Variants in RBFOX1 observed in about 807,000 individuals in gnomAD.
The protein encoded by RBFOX1 is RNA binding protein fox-1 homolog 1.
In RBFOX1, 8 loss-of-function variants were observed where a neutral mutation model predicts 57.7. The observed-to-expected ratio is 0.14, with a 90% CI of 0.08 to 0.25. RBFOX1 has a LOEUF of 0.25. RBFOX1 is among the 10% of genes least tolerant of loss of function. RBFOX1 has a pLI of 1.00. For synonymous variants in RBFOX1, 326 were observed against 222.4 expected, an observed-to-expected ratio of 1.47 and a Z score of -4.15; for missense variants, 611 against 548.5, an observed-to-expected ratio of 1.11 and a Z score of -1.14.
chr16:7,324,147 G>C (rs777655873), intron 4 of RBFOX1, among the ~76,000 whole-genome samples: 3 of 152,156 alleles, frequency 2.0e-5, no homozygotes, highest in Admixed American at 6.5e-5. Context: ...TTTGTCCGTG[G>C]TGTCCTTTTT....
chr16:5,510,539 C>T (rs1387704709), intron 2 of RBFOX1, among the ~76,000 whole-genome samples: 1 of 152,122 alleles, frequency 6.6e-6, no homozygotes, highest in Non-Finnish European at 1.5e-5. Flanking sequence ...AGTCCAGGCT[C>T]ACCGGGCAGG....
At chr16:6,713,846 GA>G (rs1476125081) in intron 3 of RBFOX1, among the ~76,000 whole-genome samples, 1 of 152,202 alleles carries the variant, frequency 6.6e-6, no homozygotes, top group Non-Finnish European at 1.5e-5. Context: ...GTGATGGCAA[GA>G]TCCTTGGTAA....
intron 10 of RBFOX1, among the ~76,000 whole-genome samples, chr16:7,611,420 TA>T (rs1197139075): frequency 1.7e-4 from 26 of 152,156 alleles, no homozygotes; most frequent in African/African-American, 5.8e-4. Flanking sequence ...CTACTAAAAA[TA>T]CAAAAGATCT....
chr16:7,203,752 G>T lies in RBFOX1; in HGVS notation c.27+151654G>T, dbSNP rs560819159. Among the ~76,000 whole-genome samples, 23 of 152,216 alleles carry T rather than the reference G, an allele frequency of 1.5e-4. No individual in the cohort carries two copies. The East Asian group carries it at 4.5e-3, about 29-fold the overall frequency. ...CTTTGCAAATATCTGCTTGGTTAGT[G>T]ACTCTTTCTCGAAATCTCCTCATAA... On this transcript the variant is annotated intron_variant, in intron 4 of 15. Transcript: ENST00000550418.
intron 2 of RBFOX1, among the ~76,000 whole-genome samples, chr16:5,548,358 T>G (rs1219216927): frequency 6.6e-6 from 1 of 151,232 alleles, no homozygotes; most frequent in Admixed American, 6.6e-5. Flanking sequence ...AACCTGCGCA[T>G]GTACTCCCTG....
At chr16:6,327,073 G>A (rs2082457770) in intron 2 of RBFOX1, among the ~76,000 whole-genome samples, 1 of 152,076 alleles carries the variant, frequency 6.6e-6, no homozygotes, top group East Asian at 1.9e-4. Flanking sequence ...CACCTGAATG[G>A]CTCTAACATG....
At chr16:5,956,649 TATATATA>T (rs1389544231) in intron 4 of RBFOX1, among the ~76,000 whole-genome samples, 1 of 83,476 alleles carries the variant, frequency 1.2e-5, no homozygotes, top group East Asian at 3.3e-4. Context: ...AATATATATA[TATATATA>T]TTTATATATA....
intron 4 of RBFOX1, among the ~76,000 whole-genome samples, chr16:7,343,037 T>C (rs1206859405): frequency 6.6e-6 from 1 of 152,104 alleles, no homozygotes; most frequent in Non-Finnish European, 1.5e-5. Context: ...GGGTGGACTT[T>C]GTAGGGGGAA....
intron 4 of RBFOX1, among the ~76,000 whole-genome samples, chr16:7,375,366 AG>A (rs2097666173): frequency 6.6e-6 from 1 of 152,228 alleles, no homozygotes; most frequent in Non-Finnish European, 1.5e-5. Flanking sequence ...GTAACTACTT[AG>A]GGTAAATTAA....
intron 4 of RBFOX1, among the ~76,000 whole-genome samples, chr16:7,190,688 G>A (rs1403036259): frequency 1.3e-5 from 2 of 151,444 alleles, no homozygotes; most frequent in Admixed American, 1.3e-4. Flanking sequence ...AGAAATCAGT[G>A]CCATTCCATC....
chr16:6,259,585 G>T lies in RBFOX1; in HGVS notation c.-126-57410G>T, dbSNP rs144963689. On this transcript the variant is annotated intron_variant, in intron 1 of 15. Coordinates refer to ENST00000550418, the MANE Select transcript of RBFOX1 (RefSeq NM_018723.4). Reference sequence around the variant, plus strand: ...TTATAGTTTCTGGGACTTGGGGAGGGTGGCCCAGTAGCGACGAAAGTGCAA... The same window carrying T: ...TTATAGTTTCTGGGACTTGGGGAGGTTGGCCCAGTAGCGACGAAAGTGCAA... Among the ~76,000 whole-genome samples the T allele has an allele frequency of 1.8e-4, 28 of 152,174 alleles. No homozygotes were observed. In the East Asian group the frequency reaches 4.5e-3, roughly 24 times the overall value.
chr16:7,510,071 C>T (rs1177572099), intron 4 of RBFOX1: 7 of 899,842 alleles, frequency 7.8e-6, no homozygotes, highest in African/African-American at 7.2e-5. Flanking sequence ...ATTGATGGGC[C>T]AGGCCTTCCT....
intron 4 of RBFOX1, among the ~76,000 whole-genome samples, chr16:7,300,218 C>T (rs1223209649): frequency 6.6e-6 from 1 of 152,024 alleles, no homozygotes; most frequent in Admixed American, 6.6e-5. Flanking sequence ...TTCTGCTGCC[C>T]CTCCCCCACC....
intron 4 of RBFOX1, among the ~76,000 whole-genome samples, chr16:7,112,207 G>T (rs533453890): frequency 4.4e-4 from 67 of 152,114 alleles, no homozygotes; most frequent in African/African-American, 1.5e-3. Context: ...TACATAGTCA[G>T]CAAACCAATT....
intron 3 of RBFOX1, among the ~76,000 whole-genome samples, chr16:5,668,388 G>A (rs551370721): frequency 3.3e-5 from 5 of 152,196 alleles, no homozygotes; most frequent in South Asian, 2.1e-4. Context: ...TCTTTTTCCC[G>A]ACCTTAACAC....
intron 5 of RBFOX1, among the ~76,000 whole-genome samples, chr16:7,532,424 G>C (rs1292307114): frequency 6.6e-6 from 1 of 152,162 alleles, no homozygotes; most frequent in Non-Finnish European, 1.5e-5. Flanking sequence ...TTAATCATTG[G>C]ATTTGGGAAT....
intron 2 of RBFOX1, among the ~76,000 whole-genome samples, chr16:6,572,124 C>G (rs945832632): frequency 6.6e-6 from 1 of 152,156 alleles, no homozygotes; most frequent in Non-Finnish European, 1.5e-5. Flanking sequence ...TGTATTAGAA[C>G]ATAATCTCAT....
intron 1 of RBFOX1, among the ~76,000 whole-genome samples, chr16:5,301,782 A>G (rs2063814226): frequency 6.6e-6 from 1 of 152,224 alleles, no homozygotes; most frequent in African/African-American, 2.4e-5. Context: ...GAAACCCTGT[A>G]GAAACTATGA....
At chr16:7,295,590 G>A (rs1482346221) in intron 4 of RBFOX1, among the ~76,000 whole-genome samples, 1 of 152,020 alleles carries the variant, frequency 6.6e-6, no homozygotes, top group African/African-American at 2.4e-5. Flanking sequence ...ACATATAATA[G>A]CAGCTGCAAA....
Sources: allele counts gnomAD v4.1 joint callset (sites outside exome capture counted in the v4.1 genomes callset), GRCh38; gene constraint gnomAD v4.1.1; transcripts MANE v1.5; gene names NCBI Gene and HGNC (gene_info 2026-07-23, HGNC 2026-07-21).